Variants in SYNGR1 observed in about 807,000 individuals in gnomAD.
SYNGR1 encodes synaptogyrin 1.
In SYNGR1, 14 loss-of-function variants were observed where a neutral mutation model predicts 26.1. That is an observed-to-expected ratio of 0.54 (90% CI 0.35 to 0.84). The LOEUF is 0.84. Among genes scored for constraint, SYNGR1 ranks in the 40% least tolerant of loss-of-function variants. The pLI, the probability that SYNGR1 is intolerant of heterozygous loss-of-function variation, is 0.01. For synonymous variants in SYNGR1, 141 were observed against 150.1 expected (o/e 0.94, Z 0.44); for missense variants, 319 against 332.9 (o/e 0.96, Z 0.33).
At chr22:39,356,694 C>T (rs2145607281) in intron 1 of SYNGR1, among the ~76,000 whole-genome samples, 1 of 152,266 alleles carries the variant, frequency 6.6e-6, no homozygotes, top group South Asian at 2.1e-4. Context: ...GAAGAACCAG[C>T]TGTCAGGTGG....
intron 1 of SYNGR1, among the ~76,000 whole-genome samples, chr22:39,366,624 C>A (rs1924771738): frequency 6.6e-6 from 1 of 152,022 alleles, no homozygotes; most frequent in Admixed American, 6.5e-5. Flanking sequence ...CCAGTCCGGG[C>A]AACAGAGCGA....
chr22:39,382,287 G>T lies in SYNGR1; in HGVS notation c.*373G>T. On this transcript the variant is annotated 3_prime_UTR_variant, in exon 4 of 4. Coordinates refer to ENST00000328933, the MANE Select transcript of SYNGR1 (RefSeq NM_004711.5). ...GCGATGAGCTGTGGAGGAAGCCCTG[G>T]TGGTACCAGAGGCCAGAATGGTGGG... 2.8e-6 allele frequency: 1 copy of T among 362,830 alleles called. No individual in the cohort carries two copies. The highest frequency in any genetic ancestry group is 6.1e-5 in the East Asian group (1 of 16,442). 22.5% of individuals were successfully genotyped at this position (362,830 alleles called of 1,614,324 possible).
chr22:39,380,430 G>T (rs74737590), intron 3 of SYNGR1, among the ~76,000 whole-genome samples: 4 of 152,000 alleles, frequency 2.6e-5, no homozygotes, highest in Non-Finnish European at 5.9e-5. Flanking sequence ...TAGAGACAGG[G>T]TCTCACTCTG....
intron 1 of SYNGR1, among the ~76,000 whole-genome samples, chr22:39,358,463 T>A (rs1180567774): frequency 6.6e-6 from 1 of 152,082 alleles, no homozygotes; most frequent in Non-Finnish European, 1.5e-5. Flanking sequence ...ACTCTTTGGG[T>A]CCACACTACT....
chr22:39,362,358 G>A (rs997702915), intron 1 of SYNGR1, among the ~76,000 whole-genome samples: 4 of 152,030 alleles, frequency 2.6e-5, no homozygotes, highest in Non-Finnish European at 5.9e-5. Flanking sequence ...GACAGCTTGC[G>A]GAGATTACGC....
intron 1 of SYNGR1, among the ~76,000 whole-genome samples, chr22:39,362,036 C>T (rs766452841): frequency 4.2e-4 from 58 of 137,876 alleles, no homozygotes; most frequent in Admixed American, 4.2e-3. Flanking sequence ...TTTGTAGAGA[C>T]GAGGCCTCAC....
intron 1 of SYNGR1, among the ~76,000 whole-genome samples, chr22:39,370,486 C>T (rs554583639): frequency 6.6e-6 from 1 of 151,986 alleles, no homozygotes; most frequent in Non-Finnish European, 1.5e-5. Flanking sequence ...ATGTTGCCCA[C>T]GCTGGTTGTT....
chr22:39,362,967 T>C (rs1924558441), intron 1 of SYNGR1, among the ~76,000 whole-genome samples: 2 of 152,178 alleles, frequency 1.3e-5, no homozygotes, highest in Admixed American at 1.3e-4. Flanking sequence ...TATTGTGATG[T>C]TACCAAGAAA....
chr22:39,362,928 A>G (rs17001006), intron 1 of SYNGR1, among the ~76,000 whole-genome samples: 4,425 of 152,216 alleles, frequency 0.029, 205 homozygotes, highest in African/African-American at 0.1. Flanking sequence ...TGCACCCAAC[A>G]ACTGAACCAA....
chr22:39,374,233 G>A, intron 1 of SYNGR1, 83 bp from the exon 2 acceptor site: 3 of 1,328,574 alleles, frequency 2.3e-6, no homozygotes, highest in Non-Finnish European at 3.2e-6. Flanking sequence ...CAGGCAGCAG[G>A]CGAGGGTGGC....
intron 1 of SYNGR1, chr22:39,364,304 C>T (rs777790134): frequency 6.8e-6 from 11 of 1,611,214 alleles, no homozygotes; most frequent in Non-Finnish European, 9.3e-6. Context: ...GAGGCAGGTT[C>T]CCCATCTGCT....
chr22:39,377,272 A>T, intron 3 of SYNGR1: 4 of 985,320 alleles, frequency 4.1e-6, no homozygotes, highest in Non-Finnish European at 4.8e-6. Flanking sequence ...ATATTAGAAG[A>T]TAGCATTTGG....
At chr22:39,355,554 C>T (rs958564281) in intron 1 of SYNGR1, among the ~76,000 whole-genome samples, 3 of 152,188 alleles carry the variant, frequency 2.0e-5, no homozygotes, top group Non-Finnish European at 4.4e-5. Flanking sequence ...TTCCTCATGT[C>T]CAGGGACAGC....
At chr22:39,362,361 G>C (rs1255224446) in intron 1 of SYNGR1, among the ~76,000 whole-genome samples, 1 of 152,050 alleles carries the variant, frequency 6.6e-6, no homozygotes, top group African/African-American at 2.4e-5. Flanking sequence ...AGCTTGCGGA[G>C]ATTACGCCTA....
In SYNGR1 at chr22:39,378,210, T is replaced by G. The variant is rs557382690; in HGVS notation, c.483+2013T>G. Reference sequence around the variant, plus strand: ...GGCTCCTGGTCTGGCTCTGTCCTCATGTGCTATGTGACCCTGACAAACCCG... The same window carrying G: ...GGCTCCTGGTCTGGCTCTGTCCTCAGGTGCTATGTGACCCTGACAAACCCG... On this transcript the variant is annotated intron_variant, in intron 3 of 3. Transcript: ENST00000328933. 18 of 1,078,444 alleles carry G rather than the reference T, an allele frequency of 1.7e-5. No individual in the cohort carries two copies. The East Asian group carries it at 1.3e-3, about 78-fold the overall frequency. 66.8% of individuals were successfully genotyped at this position (1,078,444 alleles called of 1,614,324 possible).
chr22:39,380,724 G>A (rs1393604897), intron 3 of SYNGR1, among the ~76,000 whole-genome samples: 2 of 148,526 alleles, frequency 1.3e-5, no homozygotes, highest in Admixed American at 6.8e-5. Flanking sequence ...GGGTTCAAGC[G>A]ATTCTCCTGC....
At chr22:39,352,226 A>C (rs1234718207) in intron 1 of SYNGR1, among the ~76,000 whole-genome samples, 1 of 152,240 alleles carries the variant, frequency 6.6e-6, no homozygotes, top group Non-Finnish European at 1.5e-5. Context: ...ACCAATGCTC[A>C]AACGACCCCA....
chr22:39,358,625 C>T (rs1924301211), intron 1 of SYNGR1, among the ~76,000 whole-genome samples: 1 of 152,038 alleles, frequency 6.6e-6, no homozygotes, highest in Non-Finnish European at 1.5e-5. Flanking sequence ...CACTCCTGAG[C>T]CAGCAAGACC....
At chr22:39,351,526 C>A (rs1196737720) in intron 1 of SYNGR1, among the ~76,000 whole-genome samples, 1 of 152,242 alleles carries the variant, frequency 6.6e-6, no homozygotes, top group Admixed American at 6.5e-5. Context: ...TCCCCAGATG[C>A]CCCAACAGAC....
Sources: allele counts gnomAD v4.1 joint callset (sites outside exome capture counted in the v4.1 genomes callset), GRCh38; gene constraint gnomAD v4.1.1; transcripts MANE v1.5; gene names NCBI Gene and HGNC (gene_info 2026-07-23, HGNC 2026-07-21).